The following LRP1B variants were observed in gnomAD, a reference collection of about 807,000 sequenced individuals.
LRP1B encodes LDL receptor related protein 1B, also known as low-density lipoprotein receptor-related protein 1B.
In LRP1B, 217 loss-of-function variants were observed where a neutral mutation model predicts 556.6. The observed-to-expected ratio is 0.39, with a 90% confidence interval of 0.35 to 0.44. The LOEUF is 0.44. Among genes scored for constraint, LRP1B ranks in the 20% least tolerant of loss-of-function variants. The pLI, the probability that LRP1B is intolerant of heterozygous loss-of-function variation, is 1.00. For missense variants in LRP1B, 5,053 were observed against 5,620.8 expected, an observed-to-expected ratio of 0.90 and a Z score of 3.23; for synonymous variants, 2,047 against 1,865.8, an observed-to-expected ratio of 1.10 and a Z score of -2.50.
intron 2 of LRP1B, among the ~76,000 whole-genome samples, chr2:141,519,100 G>C (rs1474005727): frequency 6.6e-6 from 1 of 151,944 alleles, no homozygotes; most frequent in Non-Finnish European, 1.5e-5. Flanking sequence ...CTATTTAAAA[G>C]TGTCTTTGTC....
chr2:140,743,327 G>C (rs1688201943), intron 35 of LRP1B, among the ~76,000 whole-genome samples: 1 of 152,138 alleles, frequency 6.6e-6, no homozygotes, highest in South Asian at 2.1e-4. Flanking sequence ...AGTAAAAAAT[G>C]CAGATTCATA....
intron 1 of LRP1B, among the ~76,000 whole-genome samples, chr2:142,015,161 C>T (rs936166849): frequency 3.3e-5 from 5 of 152,052 alleles, no homozygotes; most frequent in African/African-American, 7.2e-5. Context: ...CAAAGATATA[C>T]GAACTCAAGG....
chr2:141,092,915 G>A (rs1012457527), intron 7 of LRP1B, among the ~76,000 whole-genome samples: 1 of 152,156 alleles, frequency 6.6e-6, no homozygotes, highest in Non-Finnish European at 1.5e-5. Context: ...GATTTCAGTG[G>A]TTTAGGAGAG....
At chr2:141,455,345 G>GGATGAAT (rs1161940752) in intron 3 of LRP1B, among the ~76,000 whole-genome samples, 1 of 151,736 alleles carries the variant, frequency 6.6e-6, no homozygotes, top group Non-Finnish European at 1.5e-5. Context: ...CCTGTTTAAT[G>GGATGAAT]GATGAATGCA....
In LRP1B at chr2:141,107,027, C is replaced by T. The variant is rs546837787; in HGVS notation, c.1014-44754G>A. On this transcript the variant is annotated intron_variant, in intron 7 of 90. Transcript: ENST00000389484. ...TGGTATTATGCTATCCTCTACTGAA[C>T]CAATATATATATTCAGTGATTCTAC... is the stretch of plus-strand genomic sequence containing the variant. 2.2e-4 allele frequency among the ~76,000 whole-genome samples: 33 copies of T among 151,606 alleles called. No individual in the cohort carries two copies. The South Asian group carries it at 5.8e-3, about 27-fold the overall frequency.
intron 7 of LRP1B, among the ~76,000 whole-genome samples, chr2:141,158,299 T>C (rs977557980): frequency 6.6e-6 from 1 of 152,204 alleles, no homozygotes; most frequent in African/African-American, 2.4e-5. Flanking sequence ...TAATTTGAAG[T>C]CAAGAGCAGC....
intron 3 of LRP1B, among the ~76,000 whole-genome samples, chr2:141,365,656 T>TTTTTTTTTTTTTTGG (rs1553503425): frequency 1.4e-5 from 1 of 72,950 alleles, no homozygotes. Flanking sequence ...TTTTTGTTGC[T>TTTTTTTTTTTTTTGG]TTTTTTTTTT....
rs143690440 is a variant in LRP1B, at chr2:140,553,668, A to G, written c.7195-11697T>C. ...GAAATAGCTAGTGTGCTCAAATTAC[A>G]ATACTTTGAGGAGGGCTGAATCAAG... On this transcript the variant is annotated intron_variant, in intron 43 of 90. Coordinates refer to ENST00000389484, the MANE Select transcript of LRP1B (RefSeq NM_018557.3). Among the ~76,000 whole-genome samples, 610 of 152,080 alleles carry G rather than the reference A, an allele frequency of 4.0e-3. 2 individuals are homozygous for G. The highest frequency in any genetic ancestry group is 5.4e-3 in the Non-Finnish European group (368 of 67,960).
At chr2:140,747,640 C>A (rs1352028364) in intron 35 of LRP1B, among the ~76,000 whole-genome samples, 1 of 152,112 alleles carries the variant, frequency 6.6e-6, no homozygotes, top group African/African-American at 2.4e-5. Flanking sequence ...GAAATACAAT[C>A]TGCAGCAATC....
intron 14 of LRP1B, among the ~76,000 whole-genome samples, chr2:141,009,982 C>A (rs1392233433): frequency 6.6e-6 from 1 of 151,954 alleles, no homozygotes; most frequent in African/African-American, 2.4e-5. Flanking sequence ...CTGTCTGATC[C>A]TTGGCTTTCT....
intron 3 of LRP1B, among the ~76,000 whole-genome samples, chr2:141,333,526 T>C (rs1020294325): frequency 5.3e-5 from 8 of 152,196 alleles, no homozygotes; most frequent in Non-Finnish European, 7.4e-5. Flanking sequence ...GTCCAAGTCC[T>C]GATAACAGTA....
intron 3 of LRP1B, among the ~76,000 whole-genome samples, chr2:141,431,525 A>G (rs936887392): frequency 2.6e-5 from 4 of 152,196 alleles, no homozygotes; most frequent in African/African-American, 7.2e-5. Context: ...TTTTGCAGAA[A>G]GCTGACTGAG....
intron 49 of LRP1B, among the ~76,000 whole-genome samples, chr2:140,522,243 A>G (rs1470447992): frequency 6.6e-6 from 1 of 152,002 alleles, no homozygotes; most frequent in Admixed American, 6.6e-5. Flanking sequence ...TCAGTGAAAT[A>G]AAAATAGAAA....
intron 3 of LRP1B, among the ~76,000 whole-genome samples, chr2:141,430,141 G>A (rs1262664704): frequency 6.6e-6 from 1 of 151,842 alleles, no homozygotes; most frequent in Non-Finnish European, 1.5e-5. Flanking sequence ...TACAAAGAAG[G>A]AAAATAAAAG....
chr2:141,992,620 C>T (rs114327849), intron 1 of LRP1B, among the ~76,000 whole-genome samples: 2,555 of 152,212 alleles, frequency 0.017, 19 homozygotes, highest in Admixed American at 0.024. Flanking sequence ...TGAACTTGTG[C>T]CATTTGGTCA....
rs933372270 is a variant in LRP1B, at chr2:141,900,945, G to A, written c.83-90544C>T. Among the ~76,000 whole-genome samples, 14 of 152,006 alleles carry A rather than the reference G, an allele frequency of 9.2e-5. No homozygotes were observed. In the South Asian group the frequency reaches 2.3e-3, roughly 25 times the overall value. ...TTGAGGTGAGAAAAGAGAAGGGAGC[G>A]GACTTGCAGGGACATGCTTTTGGCA... On this transcript the variant is annotated intron_variant, in intron 1 of 90. Transcript: ENST00000389484.
Position 141,055,137 on chromosome 2 carries a change from T to G in LRP1B, c.1531A>C (p.Ser511Arg). ...ATACTTTTGCATGACCTGCCATCAC[T>G]TCCCAAGTTGAAGCCAGTCCTGCAG... is the stretch of plus-strand genomic sequence containing the variant. Reference protein sequence around the residue: ...CRCRTGFNLGSDGRSCKRPKN... With the variant: ...CRCRTGFNLGRDGRSCKRPKN... Residue 511 changes from serine (S) to arginine (R), a missense_variant, in exon 10 of 91, where the codon AGT becomes CGT. Transcript: ENST00000389484. 6.2e-7 allele frequency: 1 copy of G among 1,612,190 alleles called. No homozygotes were observed. The highest frequency in any genetic ancestry group is 8.5e-7 in the Non-Finnish European group (1 of 1,178,926).
At chr2:140,454,942 C>G (rs1687035858) in intron 62 of LRP1B, among the ~76,000 whole-genome samples, 2 of 152,154 alleles carry the variant, frequency 1.3e-5, no homozygotes, top group Non-Finnish European at 2.9e-5. Context: ...ATCATCTCTA[C>G]TAAGCCAGCG....
chr2:140,397,592 A>G (rs1358727188), intron 66 of LRP1B, among the ~76,000 whole-genome samples: 1 of 152,196 alleles, frequency 6.6e-6, no homozygotes, highest in Non-Finnish European at 1.5e-5. Flanking sequence ...AAAATTTTAT[A>G]TATTGCATAT....
Sources: allele counts gnomAD v4.1 joint callset (sites outside exome capture counted in the v4.1 genomes callset), GRCh38; gene constraint gnomAD v4.1.1; transcripts MANE v1.5; gene names NCBI Gene and HGNC (gene_info 2026-07-23, HGNC 2026-07-21).